The following MAF variants were observed in gnomAD, a reference collection of about 807,000 sequenced individuals.
The protein encoded by MAF is transcription factor Maf.
A neutral mutation model predicts 22.0 loss-of-function variants in MAF; 10 were observed. The ratio of observed to expected loss-of-function variants is 0.45; its 90% confidence interval spans 0.28 to 0.77. The LOEUF is 0.77. MAF is among the 30% of genes least tolerant of loss of function. MAF has a pLI of 0.12. For synonymous variants in MAF, 337 were observed against 255.8 expected, an observed-to-expected ratio of 1.32 and a Z score of -3.03; for missense variants, 544 against 548.4, an observed-to-expected ratio of 0.99 and a Z score of 0.08.
the MAF span, among the ~76,000 whole-genome samples, chr16:79,570,660 G>A: frequency 3.3e-5 from 5 of 152,126 alleles, no homozygotes; most frequent in South Asian, 2.1e-4. Flanking sequence ...ATAAGGAAAC[G>A]GGCTCTGATT....
the MAF span, among the ~76,000 whole-genome samples, chr16:79,430,180 G>T: frequency 6.6e-6 from 1 of 152,110 alleles, no homozygotes; most frequent in African/African-American, 2.4e-5. Context: ...GACGGTAATT[G>T]GAAAGGAAAG....
At chr16:79,504,668 TTTGA>T in the MAF span, among the ~76,000 whole-genome samples, 10 of 152,118 alleles carry the variant, frequency 6.6e-5, no homozygotes, top group South Asian at 2.1e-4. Flanking sequence ...TGAATGTATG[TTTGA>T]TGGATGGATG....
the MAF span, among the ~76,000 whole-genome samples, chr16:79,458,109 A>AGT: frequency 0.15 from 20,121 of 136,302 alleles, 1,684 homozygotes; most frequent in African/African-American, 0.23. Flanking sequence ...GGTATGTATA[A>AGT]GTGTGTGTGT....
At chr16:79,529,976 T>A in the MAF span, among the ~76,000 whole-genome samples, 4 of 144,400 alleles carry the variant, frequency 2.8e-5, no homozygotes, top group African/African-American at 7.8e-5. Flanking sequence ...AAAAAAAAAA[T>A]GTTATTTTAA....
At chr16:79,504,576 C>CGGAT in the MAF span, among the ~76,000 whole-genome samples, 103 of 151,468 alleles carry the variant, frequency 6.8e-4, no homozygotes, top group African/African-American at 2.0e-3. Flanking sequence ...GATGGATGGA[C>CGGAT]GGATGGATGG....
chr16:79,246,547 G>GT, the MAF span, among the ~76,000 whole-genome samples: 2 of 132,298 alleles, frequency 1.5e-5, no homozygotes, highest in Admixed American at 7.6e-5. Context: ...TTTTGGGGGG[G>GT]GTGTGGGGGT....
the MAF span, among the ~76,000 whole-genome samples, chr16:79,354,656 A>G: frequency 2.0e-5 from 3 of 152,206 alleles, no homozygotes; most frequent in Admixed American, 1.3e-4. Flanking sequence ...GGTGATAGCA[A>G]TGTGCCATTT....
At chr16:79,563,187 G>T in the MAF span, among the ~76,000 whole-genome samples, 2 of 152,136 alleles carry the variant, frequency 1.3e-5, no homozygotes, top group African/African-American at 2.4e-5. Flanking sequence ...CCTCAATCTG[G>T]CAGGTAAAGG....
the MAF span, chr16:79,203,232 G>A: frequency 6.6e-6 from 1 of 152,266 alleles, no homozygotes; most frequent in African/African-American, 2.4e-5. Context: ...TAATATAAAT[G>A]AGACACTCTC....
At chr16:79,322,456 G>A in the MAF span, among the ~76,000 whole-genome samples, 1,759 of 152,144 alleles carry the variant, frequency 0.012, 24 homozygotes, top group African/African-American at 0.04. Flanking sequence ...AGTTTGCTGC[G>A]TAAAAAGGCA....
chr16:79,256,509 C>T, the MAF span, among the ~76,000 whole-genome samples: 1 of 152,188 alleles, frequency 6.6e-6, no homozygotes, highest in Non-Finnish European at 1.5e-5. Flanking sequence ...CTATCTTGCA[C>T]TGCCTGCCAA....
chr16:79,219,388 T>C, the MAF span, among the ~76,000 whole-genome samples: 1 of 151,864 alleles, frequency 6.6e-6, no homozygotes, highest in Non-Finnish European at 1.5e-5. Context: ...GACTCACAGC[T>C]TTTGTACAAA....
At chr16:79,354,130 G>A in the MAF span, among the ~76,000 whole-genome samples, 3 of 151,898 alleles carry the variant, frequency 2.0e-5, no homozygotes, top group East Asian at 5.8e-4. Context: ...AAGTAGCTTG[G>A]ACTACAAGTG....
the MAF span, among the ~76,000 whole-genome samples, chr16:79,556,289 C>G: frequency 6.6e-6 from 1 of 152,122 alleles, no homozygotes; most frequent in Non-Finnish European, 1.5e-5. Context: ...TTTGAAATGT[C>G]TTCATTTCCC....
At chr16:79,518,141 C>T in the MAF span, among the ~76,000 whole-genome samples, 237 of 152,340 alleles carry the variant, frequency 1.6e-3, 1 homozygote, top group Middle Eastern at 0.01. Flanking sequence ...CAGTATCTCC[C>T]ATTTGGCAGG....
At chr16:79,249,247 C>G in the MAF span, among the ~76,000 whole-genome samples, 2,366 of 152,104 alleles carry the variant, frequency 0.016, 37 homozygotes, top group Middle Eastern at 0.041. Context: ...TGAAGAAACC[C>G]CATCTCTACT....
the MAF span, among the ~76,000 whole-genome samples, chr16:79,502,438 G>T: frequency 1.3e-5 from 2 of 152,032 alleles, no homozygotes; most frequent in African/African-American, 4.8e-5. Context: ...GGCCAAGGTG[G>T]GTGGGTGGCT....
the MAF span, among the ~76,000 whole-genome samples, chr16:79,527,106 A>T: frequency 2.0e-5 from 3 of 152,170 alleles, no homozygotes; most frequent in African/African-American, 7.2e-5. Flanking sequence ...ATTCACTTGG[A>T]TATAGCTGTG....
At chr16:79,593,473 GT>G (rs1913305110), downstream of MAF, among the ~76,000 whole-genome samples, 1 of 152,188 alleles carries the variant, frequency 6.6e-6, no homozygotes, top group African/African-American at 2.4e-5. Flanking sequence ...TAGAATTGGT[GT>G]TGCTAAGTAA....
Sources: gnomAD v4.1 joint callset for allele counts (sites outside exome capture counted in the v4.1 genomes callset) on GRCh38, gnomAD v4.1.1 for gene constraint, MANE v1.5 for transcripts, NCBI Gene and HGNC (gene_info 2026-07-23, HGNC 2026-07-21) for gene names.